Variants in PPP6R2 observed in about 807,000 individuals in gnomAD.
The protein encoded by PPP6R2 is protein phosphatase 6 regulatory subunit 2.
PPP6R2 carries 62 observed loss-of-function variants against 100.2 expected under a neutral mutation model. That is an observed-to-expected ratio of 0.62 (90% CI 0.50 to 0.76). The LOEUF (loss-of-function observed/expected upper bound fraction) is 0.76. Among genes scored for constraint, PPP6R2 ranks in the 30% least tolerant of loss-of-function variants. The pLI is 0.00. For missense variants in PPP6R2, 1,142 were observed against 1,276.3 expected (o/e 0.89, Z 1.60); for synonymous variants, 525 against 514.7 (o/e 1.02, Z -0.27).
In PPP6R2 at chr22:50,423,176, A is replaced by G. The variant is rs968584025; in HGVS notation, c.973-286A>G. 6.6e-6 allele frequency among the ~76,000 whole-genome samples: 1 copy of G among 152,142 alleles called. No individual in the cohort carries two copies. The highest frequency in any genetic ancestry group is 2.1e-4 in the South Asian group (1 of 4,828). ...CGGTACTGCTGGCCCCATCTTGGAC[A>G]TCTCACCCGCTGAGGTGCACGGCTC... is the stretch of plus-strand genomic sequence containing the variant. On this transcript the variant is annotated intron_variant, in intron 9 of 23. Coordinates refer to ENST00000612753, the MANE Select transcript of PPP6R2 (RefSeq NM_001242898.2). This position sits in a 1 kb window ranked among gnomAD's most constrained non-coding sequence, Gnocchi z 4.8.
intron 10 of PPP6R2, among the ~76,000 whole-genome samples, chr22:50,429,644 GT>G (rs2062792300): frequency 1.3e-5 from 2 of 152,110 alleles, no homozygotes; most frequent in South Asian, 2.1e-4. Flanking sequence ...TTCTCTCTTA[GT>G]TTTTTGGAAG....
At chr22:50,347,536 C>T (rs1008426302) in intron 1 of PPP6R2, among the ~76,000 whole-genome samples, 2 of 152,056 alleles carry the variant, frequency 1.3e-5, no homozygotes, top group African/African-American at 2.4e-5. Flanking sequence ...TACTGTCCCC[C>T]GACCTGCCAC....
chr22:50,432,082 G>A (rs778424283), intron 11 of PPP6R2, among the ~76,000 whole-genome samples, 183 bp from the exon 12 acceptor site: 5 of 152,142 alleles, frequency 3.3e-5, no homozygotes, highest in Non-Finnish European at 7.4e-5. Context: ...GCCCCGAACC[G>A]CACCCTCCTC....
chr22:50,355,188 T>C (rs1329733089), intron 1 of PPP6R2, among the ~76,000 whole-genome samples: 1 of 151,856 alleles, frequency 6.6e-6, no homozygotes, highest in Non-Finnish European at 1.5e-5. Flanking sequence ...ACTCCTCCTA[T>C]ATTGGAAATC....
intron 10 of PPP6R2, among the ~76,000 whole-genome samples, chr22:50,426,833 C>CAAA (rs71198248): frequency 1.2e-3 from 124 of 102,262 alleles, no homozygotes; most frequent in African/African-American, 4.4e-3. Context: ...GATTCTGTTT[C>CAAA]AAAAAAAAAA....
At chr22:50,382,972 T>G (rs2053453981) in intron 2 of PPP6R2, among the ~76,000 whole-genome samples, 1 of 151,924 alleles carries the variant, frequency 6.6e-6, no homozygotes, top group African/African-American at 2.4e-5. Flanking sequence ...CGAGTAGCTG[T>G]GATTACAGGG....
chr22:50,404,691 C>G (rs58792149), intron 3 of PPP6R2, among the ~76,000 whole-genome samples: 50,908 of 150,244 alleles, frequency 0.34, 9,480 homozygotes, highest in East Asian at 0.74. Context: ...CACCTGCCCA[C>G]CCTCCCAAAG....
chr22:50,393,814 C>T, intron 2 of PPP6R2, 79 bp from the exon 3 acceptor site: 1 of 1,578,092 alleles, frequency 6.3e-7, no homozygotes, highest in South Asian at 1.2e-5. Context: ...GAGAAATGAC[C>T]CCTTTGGACT....
intron 15 of PPP6R2, 119 bp from the exon 16 acceptor site, chr22:50,437,387 C>A: frequency 2.7e-6 from 2 of 732,564 alleles, no homozygotes; most frequent in South Asian, 1.7e-5. Context: ...CCCACTTGTG[C>A]TGGAGGAGAA....
intron 22 of PPP6R2, among the ~76,000 whole-genome samples, chr22:50,441,873 C>T (rs1439278193): frequency 6.6e-6 from 1 of 152,118 alleles, no homozygotes; most frequent in East Asian, 1.9e-4. Context: ...GGGGTAGATG[C>T]CAGGGCCAGG....
At chr22:50,367,353 A>G in intron 1 of PPP6R2, among the ~76,000 whole-genome samples, 1 of 152,190 alleles carries the variant, frequency 6.6e-6, no homozygotes, top group Non-Finnish European at 1.5e-5. Context: ...AGGGAATGAT[A>G]AGAAAGCGAT....
intron 10 of PPP6R2, among the ~76,000 whole-genome samples, chr22:50,425,687 C>A (rs940609326): frequency 3.3e-5 from 5 of 152,020 alleles, no homozygotes; most frequent in Non-Finnish European, 5.9e-5. Context: ...TCTTCTGATG[C>A]TCGTCATCTG....
At chr22:50,438,048 C>G (rs779054901) in intron 17 of PPP6R2, 126 bp from the exon 18 acceptor site, 3 of 1,495,772 alleles carry the variant, frequency 2.0e-6, no homozygotes, top group East Asian at 2.3e-5. Context: ...CTTGCCCCTC[C>G]CCGTCCTCCC....
chr22:50,436,442 CTG>C lies in PPP6R2; in HGVS notation c.1595_1596del (p.Val532GlyfsTer13). 1 of 1,590,856 alleles carries C rather than the reference CTG, an allele frequency of 6.3e-7. No homozygotes were observed. Among genetic ancestry groups the C allele is most frequent in the Non-Finnish European group, 8.5e-7 (1 of 1,170,008 alleles). On this transcript the variant is annotated frameshift_variant, in exon 14 of 24. Transcript: ENST00000612753. LOFTEE classifies it high-confidence loss of function. Reference sequence around the variant, plus strand: ...CTGACGGAGACGAACCGCAGGAACACTGTGGACCTGGTGAGGAGGCTCGGGGC... The same window carrying C: ...CTGACGGAGACGAACCGCAGGAACACTGGACCTGGTGAGGAGGCTCGGGGC...
chr22:50,442,884 G>A (rs1264070626), intron 22 of PPP6R2, among the ~76,000 whole-genome samples: 1 of 147,826 alleles, frequency 6.8e-6, no homozygotes, highest in African/African-American at 2.5e-5. Flanking sequence ...TCTTTACCCT[G>A]CCAGGCACAG....
At chr22:50,347,360 T>A (rs531804517) in intron 1 of PPP6R2, among the ~76,000 whole-genome samples, 5 of 151,920 alleles carry the variant, frequency 3.3e-5, no homozygotes, top group African/African-American at 4.8e-5. Context: ...GATTCCCCTT[T>A]CCATTATTTC....
intron 5 of PPP6R2, among the ~76,000 whole-genome samples, chr22:50,415,240 G>C (rs948835323): frequency 6.6e-6 from 1 of 152,204 alleles, no homozygotes; most frequent in African/African-American, 2.4e-5. Flanking sequence ...CTCACTGTTC[G>C]GCCAGCTTTG....
intron 1 of PPP6R2, among the ~76,000 whole-genome samples, chr22:50,357,440 TTC>T (rs1406139294): frequency 2.0e-5 from 3 of 151,476 alleles, no homozygotes; most frequent in East Asian, 3.9e-4. Flanking sequence ...TTTTTCTTTT[TTC>T]TCTCTCTTTC....
At chr22:50,372,528 G>A (rs914800936) in intron 2 of PPP6R2, among the ~76,000 whole-genome samples, 14 of 151,918 alleles carry the variant, frequency 9.2e-5, no homozygotes, top group African/African-American at 2.2e-4. Context: ...CAGTCTGGGC[G>A]ACAGAGCAAG....
Sources: allele counts gnomAD v4.1 joint callset (sites outside exome capture counted in the v4.1 genomes callset), GRCh38; gene constraint gnomAD v4.1.1; non-coding constraint Gnocchi (gnomAD v3.1); transcripts MANE v1.5; gene names NCBI Gene and HGNC (gene_info 2026-07-23, HGNC 2026-07-21).